The following CSTA variants were observed in gnomAD, a reference collection of about 807,000 sequenced individuals.
The protein encoded by CSTA is cystatin-A.
CSTA carries 9 observed loss-of-function variants against 9.2 expected under a neutral mutation model. That is an observed-to-expected ratio of 0.97 (90% CI 0.59 to 1.70). The LOEUF is 1.70. Among genes scored for constraint, CSTA ranks in the 40% most tolerant of loss-of-function variants. The pLI is 0.00. For missense variants in CSTA, 118 were observed against 113.1 expected, an observed-to-expected ratio of 1.04 and a Z score of -0.20; for synonymous variants, 36 against 40.6, an observed-to-expected ratio of 0.89 and a Z score of 0.43.
intron 2 of CSTA, among the ~76,000 whole-genome samples, chr3:122,339,784 G>A (rs1191966799): frequency 6.6e-6 from 1 of 152,194 alleles, no homozygotes; most frequent in Non-Finnish European, 1.5e-5. Context: ...GAGCCGAGGA[G>A]TTTGAGGTTG....
chr3:122,336,616 T>C (rs543573538), intron 1 of CSTA, among the ~76,000 whole-genome samples: 1 of 152,228 alleles, frequency 6.6e-6, no homozygotes, highest in African/African-American at 2.4e-5. Flanking sequence ...GCAAGAACCA[T>C]CAATGGATGC....
chr3:122,337,725 C>A (rs2075243658), intron 2 of CSTA, 77 bp downstream of exon 2: 1 of 971,984 alleles, frequency 1.0e-6, no homozygotes, highest in Non-Finnish European at 1.7e-6. Flanking sequence ...ATTTCCCTAC[C>A]ACATAATTCC....
At chr3:122,336,689 A>G (rs2075238870) in intron 1 of CSTA, among the ~76,000 whole-genome samples, 1 of 152,222 alleles carries the variant, frequency 6.6e-6, no homozygotes, top group South Asian at 2.1e-4. Context: ...TACTAATTAC[A>G]AAGGGGAAAA....
chr3:122,337,488 T>C, intron 1 of CSTA, 59 bp from the exon 2 acceptor site: 1 of 1,149,938 alleles, frequency 8.7e-7, no homozygotes, highest in Non-Finnish European at 1.3e-6. Flanking sequence ...GATGGGTACA[T>C]TGCATACATG....
intron 1 of CSTA, among the ~76,000 whole-genome samples, chr3:122,333,548 A>AAAGAAAGAAAGAAAG (rs1559981569): frequency 3.4e-5 from 2 of 59,654 alleles, no homozygotes; most frequent in Non-Finnish European, 6.8e-5. Context: ...AAGAAGAAAG[A>AAAGAAAGAAAGAAAG]AAGAAAGAAA....
chr3:122,325,627 A>T (rs574333022), intron 1 of CSTA, among the ~76,000 whole-genome samples: 2 of 152,336 alleles, frequency 1.3e-5, no homozygotes, highest in African/African-American at 4.8e-5. Context: ...TATCTTCTCT[A>T]AAGCTCTTAC....
At chr3:122,338,875 C>A (rs1014719911) in intron 2 of CSTA, among the ~76,000 whole-genome samples, 3 of 152,170 alleles carry the variant, frequency 2.0e-5, no homozygotes, top group Non-Finnish European at 4.4e-5. Context: ...AGATAACTAT[C>A]TTGAAAATTT....
chr3:122,338,182 G>A (rs74872011), intron 2 of CSTA: 11,976 of 153,382 alleles, frequency 0.078, 761 homozygotes, highest in African/African-American at 0.17. Flanking sequence ...TCTAGGCATA[G>A]TTTAAAAGAG....
chr3:122,329,448 C>T (rs764396801), intron 1 of CSTA, among the ~76,000 whole-genome samples: 16 of 152,098 alleles, frequency 1.1e-4, no homozygotes, highest in Non-Finnish European at 2.1e-4. Flanking sequence ...CGCCTGTAGT[C>T]CCAGCTACTT....
At chr3:122,333,740 G>GAAAGAAAT in intron 1 of CSTA, among the ~76,000 whole-genome samples, 1 of 150,306 alleles carries the variant, frequency 6.7e-6, no homozygotes, top group African/African-American at 2.5e-5. Context: ...GAAAGAGAAA[G>GAAAGAAAT]AAAGAAAAGA....
Position 122,325,272 on chromosome 3 carries a change from G to A in CSTA, c.-21G>A, listed in dbSNP as rs1576889291. On this transcript the variant is annotated 5_prime_UTR_variant, in exon 1 of 3. Transcript: ENST00000264474. ...CACTTTGGTTCCAGCATCCTGTCCAGCAAAGAAGCAATCAGCCAAAATGAT... is the reference window on the plus strand; with the variant it reads ...CACTTTGGTTCCAGCATCCTGTCCAACAAAGAAGCAATCAGCCAAAATGAT... 6.2e-7 allele frequency: 1 copy of A among 1,613,164 alleles called. No individual in the cohort carries two copies. The highest frequency in any genetic ancestry group is 8.5e-7 in the Non-Finnish European group (1 of 1,179,440).
chr3:122,333,099 T>C (rs1213746361), intron 1 of CSTA, among the ~76,000 whole-genome samples: 1 of 152,190 alleles, frequency 6.6e-6, no homozygotes, highest in Non-Finnish European at 1.5e-5. Flanking sequence ...GCCAGAACAC[T>C]TCAAGAAACA....
Position 122,325,280 on chromosome 3 carries a change from G to A in CSTA, c.-13G>A, listed in dbSNP as rs768103464. 2.5e-6 allele frequency: 4 copies of A among 1,613,598 alleles called. No homozygotes were observed. Among genetic ancestry groups the A allele is most frequent in the Non-Finnish European group, 3.4e-6 (4 of 1,179,852 alleles). On this transcript the variant is annotated 5_prime_UTR_variant, in exon 1 of 3. Transcript: ENST00000264474. ...TTCCAGCATCCTGTCCAGCAAAGAA[G>A]CAATCAGCCAAAATGATACCTGGAG...
At chr3:122,329,474 G>A (rs1162075455) in intron 1 of CSTA, among the ~76,000 whole-genome samples, 1 of 152,138 alleles carries the variant, frequency 6.6e-6, no homozygotes, top group Non-Finnish European at 1.5e-5. Context: ...GCTTAGGTGA[G>A]AGAATCACTT....
chr3:122,334,502 A>C (rs2075225772), intron 1 of CSTA, among the ~76,000 whole-genome samples: 1 of 152,082 alleles, frequency 6.6e-6, no homozygotes, highest in Non-Finnish European at 1.5e-5. Flanking sequence ...AAAAACAAAA[A>C]AAACCTGCCC....
At chr3:122,332,031 C>T (rs759161890) in intron 1 of CSTA, among the ~76,000 whole-genome samples, 4 of 152,210 alleles carry the variant, frequency 2.6e-5, no homozygotes, top group Non-Finnish European at 4.4e-5. Context: ...TCTAATGCTG[C>T]CGCTAATCTG....
intron 2 of CSTA, among the ~76,000 whole-genome samples, chr3:122,340,651 C>G (rs1259339483): frequency 6.6e-6 from 1 of 152,164 alleles, no homozygotes; most frequent in Non-Finnish European, 1.5e-5. Context: ...GGGCTCTGCT[C>G]AATCCTACCA....
chr3:122,331,315 C>T (rs2075203634), intron 1 of CSTA, among the ~76,000 whole-genome samples: 1 of 152,152 alleles, frequency 6.6e-6, no homozygotes, highest in African/African-American at 2.4e-5. Context: ...GCATTCCCCT[C>T]TCTGACCACA....
In CSTA at chr3:122,325,266, T is replaced by C. The variant is rs1251205365; in HGVS notation, c.-27T>C. The C allele has an allele frequency of 4.3e-6, 7 of 1,612,576 alleles. No homozygotes were observed. The highest frequency in any genetic ancestry group is 5.9e-6 in the Non-Finnish European group (7 of 1,178,670). On this transcript the variant is annotated 5_prime_UTR_variant, in exon 1 of 3. Transcript: ENST00000264474. Reference sequence around the variant, plus strand: ...CCTGTTCACTTTGGTTCCAGCATCCTGTCCAGCAAAGAAGCAATCAGCCAA... The same window carrying C: ...CCTGTTCACTTTGGTTCCAGCATCCCGTCCAGCAAAGAAGCAATCAGCCAA...
Sources: allele counts gnomAD v4.1 joint callset (sites outside exome capture counted in the v4.1 genomes callset), GRCh38; gene constraint gnomAD v4.1.1; transcripts MANE v1.5; gene names NCBI Gene and HGNC (gene_info 2026-07-23, HGNC 2026-07-21).